Variants in KLHL29 observed in about 807,000 individuals in gnomAD.
KLHL29 encodes the protein kelch like family member 29, also known as kelch-like protein 29.
A neutral mutation model predicts 80.4 loss-of-function variants in KLHL29; 21 were observed. The observed-to-expected ratio is 0.26, with a 90% CI of 0.19 to 0.38. KLHL29 has a LOEUF of 0.38. Among genes scored for constraint, KLHL29 ranks in the 10% least tolerant of loss-of-function variants. KLHL29 has a pLI of 1.00. For missense variants in KLHL29, 867 were observed against 1,223.9 expected (o/e 0.71, Z 4.35); for synonymous variants, 511 against 526.8 (o/e 0.97, Z 0.41).
At chr2:23,703,136 CCCGCACAAGGT>C in intron 11 of KLHL29, 39 bp from the exon 12 acceptor site, 1 of 1,329,174 alleles carries the variant, frequency 7.5e-7, no homozygotes, top group Non-Finnish European at 9.9e-7. Flanking sequence ...TGACCTCTGC[CCCGCACAAGGT>C]CCATCTTGAC....
intron 2 of KLHL29, among the ~76,000 whole-genome samples, chr2:23,556,486 A>C (rs1338737301): frequency 4.0e-5 from 6 of 151,636 alleles, no homozygotes; most frequent in Admixed American, 2.6e-4. Flanking sequence ...CAAAAAAAAA[A>C]CAAAAAAAAT....
chr2:23,495,440 GGA>G (rs1162699813), intron 2 of KLHL29, among the ~76,000 whole-genome samples: 3 of 152,116 alleles, frequency 2.0e-5, no homozygotes, highest in Non-Finnish European at 1.5e-5. Flanking sequence ...ATGTTTGGCT[GGA>G]CATTCCCATT....
chr2:23,388,536 A>G (rs1056563305), intron 1 of KLHL29, among the ~76,000 whole-genome samples: 2 of 152,282 alleles, frequency 1.3e-5, no homozygotes, highest in East Asian at 3.9e-4. Context: ...GTCTATTCAA[A>G]TCTTGCCTAT....
intron 5 of KLHL29, among the ~76,000 whole-genome samples, chr2:23,654,041 C>T (rs895072952): frequency 2.0e-5 from 3 of 152,216 alleles, no homozygotes; most frequent in East Asian, 3.9e-4. Flanking sequence ...GTGATGGGTT[C>T]CTGTAATCCC....
Position 23,691,785 on chromosome 2 carries a change from G to C in KLHL29, c.1191G>C (p.Leu397=). The change falls in exon 7 of 14, where the codon CTG becomes CTC. Residue 397 remains leucine, a synonymous_variant. Coordinates refer to ENST00000486442, the MANE Select transcript of KLHL29 (RefSeq NM_052920.2). Reference sequence around the variant, plus strand: ...TGGAGTTTGTCTACACGGGCTCCCTGGTCATCGACTCGGCCAACGCCAAGA... The same window carrying C: ...TGGAGTTTGTCTACACGGGCTCCCTCGTCATCGACTCGGCCAACGCCAAGA... ...LLLEFVYTGS[L]VIDSANAKTL... is the part of the protein sequence containing the mutation. 2 of 1,551,704 alleles carry C rather than the reference G, an allele frequency of 1.3e-6. No homozygotes were observed. Among genetic ancestry groups the C allele is most frequent in the Non-Finnish European group, 1.7e-6 (2 of 1,147,018 alleles).
chr2:23,614,904 G>T (rs1022414131), intron 3 of KLHL29, among the ~76,000 whole-genome samples: 3 of 152,192 alleles, frequency 2.0e-5, no homozygotes, highest in Non-Finnish European at 2.9e-5. Flanking sequence ...GGGGCGCCCT[G>T]GGCCCTGGGC....
intron 5 of KLHL29, among the ~76,000 whole-genome samples, chr2:23,670,484 G>A (rs928018839): frequency 1.3e-5 from 2 of 152,028 alleles, no homozygotes; most frequent in Non-Finnish European, 2.9e-5. Context: ...CAGGATGAGG[G>A]GCTGACTCCC....
At chr2:23,525,736 C>CG (rs1246995708) in intron 2 of KLHL29, among the ~76,000 whole-genome samples, 18 of 26,926 alleles carry the variant, frequency 6.7e-4, no homozygotes, top group Non-Finnish European at 1.6e-3. Flanking sequence ...GCCCCCCCCC[C>CG]CCACCCGAGG....
intron 2 of KLHL29, among the ~76,000 whole-genome samples, chr2:23,536,934 TCTCG>T (rs1666685610): frequency 1.3e-5 from 2 of 148,938 alleles, no homozygotes; most frequent in South Asian, 2.2e-4. Context: ...TCTCTCCCTC[TCTCG>T]CTCTCTCTCT....
At chr2:23,699,475 G>A (rs1417511557) in intron 11 of KLHL29, among the ~76,000 whole-genome samples, 3 of 152,194 alleles carry the variant, frequency 2.0e-5, no homozygotes, top group African/African-American at 2.4e-5. Flanking sequence ...ACTGAGGACC[G>A]ATATTCCAGC....
chr2:23,656,805 G>A (rs567374461), intron 5 of KLHL29, among the ~76,000 whole-genome samples: 7 of 152,100 alleles, frequency 4.6e-5, no homozygotes, highest in Admixed American at 1.3e-4. Flanking sequence ...CTTCCTGGCC[G>A]GCATCTCCCA....
intron 2 of KLHL29, chr2:23,507,218 A>G (rs749095603): frequency 6.7e-6 from 2 of 298,006 alleles, no homozygotes; most frequent in East Asian, 1.1e-4. Flanking sequence ...TGTAAGCACC[A>G]TCAACATCCA....
In KLHL29 at chr2:23,596,503, T is replaced by G. The variant is rs1668396921; in HGVS notation, c.285+34022T>G. 6.6e-6 allele frequency among the ~76,000 whole-genome samples: 1 copy of G among 152,178 alleles called. No individual in the cohort carries two copies. Among genetic ancestry groups the G allele is most frequent in the East Asian group, 1.9e-4 (1 of 5,190 alleles). On this transcript the variant is annotated intron_variant, in intron 3 of 13. Transcript: ENST00000486442. This position sits in a 1 kb window ranked among gnomAD's most constrained non-coding sequence, Gnocchi z 4.4. ...GCTCGCTGTGATTTATCAGGGGCCA[T>G]GCCACACTGTCCTTGCACACAACGT...
Position 23,681,448 on chromosome 2 carries a change from C to T in KLHL29, c.941-2951C>T, listed in dbSNP as rs1192418310. Among the ~76,000 whole-genome samples, 3 of 152,242 alleles carry T rather than the reference C, an allele frequency of 2.0e-5. No individual in the cohort carries two copies. Among genetic ancestry groups the T allele is most frequent in the East Asian group, 1.9e-4 (1 of 5,182 alleles). Reference sequence around the variant, plus strand: ...CTGGGGCTTTAGATAGAATCATTGCCGGGACCTCGATTTGAAAGGAAGGTC... The same window carrying T: ...CTGGGGCTTTAGATAGAATCATTGCTGGGACCTCGATTTGAAAGGAAGGTC... On this transcript the variant is annotated intron_variant, in intron 5 of 13. Coordinates refer to ENST00000486442, the MANE Select transcript of KLHL29 (RefSeq NM_052920.2). This position sits in a 1 kb window ranked among gnomAD's most constrained non-coding sequence, Gnocchi z 4.2.
intron 5 of KLHL29, among the ~76,000 whole-genome samples, chr2:23,674,092 G>A (rs1319970587): frequency 1.3e-5 from 2 of 152,078 alleles, no homozygotes; most frequent in Admixed American, 6.5e-5. Context: ...TCCCCTCCTC[G>A]GTGCCACCTC....
chr2:23,464,674 G>GC (rs946596333), intron 1 of KLHL29, among the ~76,000 whole-genome samples: 49 of 152,268 alleles, frequency 3.2e-4, no homozygotes, highest in Admixed American at 2.9e-3. Context: ...GCATCCAGGG[G>GC]CCTCTCTGGA....
intron 1 of KLHL29, among the ~76,000 whole-genome samples, chr2:23,467,230 C>T (rs771902119): frequency 6.6e-6 from 1 of 152,196 alleles, no homozygotes; most frequent in South Asian, 2.1e-4. Flanking sequence ...GGTAAGCCAT[C>T]CCGCGTGTTT....
chr2:23,544,644 T>A (rs1265852084), intron 2 of KLHL29, among the ~76,000 whole-genome samples: 1 of 152,060 alleles, frequency 6.6e-6, no homozygotes, highest in East Asian at 1.9e-4. Context: ...AAGTTGCCAT[T>A]TTACAATAGG....
intron 5 of KLHL29, among the ~76,000 whole-genome samples, chr2:23,663,995 C>T (rs1379425821): frequency 6.6e-6 from 1 of 152,140 alleles, no homozygotes; most frequent in African/African-American, 2.4e-5. Context: ...AGTTTCTTTT[C>T]CGAGTGGTTG....
Sources: allele counts gnomAD v4.1 joint callset (sites outside exome capture counted in the v4.1 genomes callset), GRCh38; gene constraint gnomAD v4.1.1; non-coding constraint Gnocchi (gnomAD v3.1); transcripts MANE v1.5; gene names NCBI Gene and HGNC (gene_info 2026-07-23, HGNC 2026-07-21).